KCNB2: variants seen among roughly 807,000 people sequenced by gnomAD.
The protein encoded by KCNB2 is potassium voltage-gated channel subfamily B member 2, also known as delayed rectifier potassium channel protein.
KCNB2 carries 15 observed loss-of-function variants against 61.5 expected under a neutral mutation model. The ratio of observed to expected loss-of-function variants is 0.24; its 90% CI spans 0.16 to 0.38. The LOEUF (loss-of-function observed/expected upper bound fraction) is 0.38, where lower values mean the gene tolerates loss of function less well. KCNB2 is among the 10% of genes least tolerant of loss of function. The pLI is 1.00. For synonymous variants in KCNB2, 457 were observed against 446.0 expected, an observed-to-expected ratio of 1.02 and a Z score of -0.31; for missense variants, 828 against 1,125.2, an observed-to-expected ratio of 0.74 and a Z score of 3.78.
At position 72,921,946 on chromosome 8, in the gene KCNB2, G is replaced by A. The variant is rs1806528979; in HGVS notation, c.580-13989G>A. ...TGAAATGGCTCTGTGAGTGTTCTTA[G>A]CTCTATCTCTCATTAAAGTCTGGAC... On this transcript the variant is annotated intron_variant, in intron 2 of 2. Coordinates refer to ENST00000523207, the MANE Select transcript of KCNB2 (RefSeq NM_004770.3). 2.6e-5 allele frequency among the ~76,000 whole-genome samples: 4 copies of A among 152,208 alleles called. No individual in the cohort carries two copies. In the South Asian group the frequency reaches 8.3e-4, roughly 32 times the overall value.
chr8:72,763,281 A>G (rs1196776627), intron 2 of KCNB2, among the ~76,000 whole-genome samples: 4 of 151,810 alleles, frequency 2.6e-5, no homozygotes, highest in Admixed American at 6.6e-5. Flanking sequence ...CCTAGGCCCA[A>G]CTGACACCTA....
At chr8:72,572,387 T>C (rs913406299) in intron 2 of KCNB2, among the ~76,000 whole-genome samples, 13 of 152,104 alleles carry the variant, frequency 8.5e-5, no homozygotes, top group Non-Finnish European at 8.8e-5. Flanking sequence ...ACATTTCTAT[T>C]CATCTGAACC....
chr8:72,633,233 T>G (rs1805909302), intron 2 of KCNB2, among the ~76,000 whole-genome samples: 1 of 152,074 alleles, frequency 6.6e-6, no homozygotes, highest in South Asian at 2.1e-4. Flanking sequence ...GGAGCCTATC[T>G]TAAAGCTACA....
chr8:72,793,424 C>T (rs1200212782), intron 2 of KCNB2, among the ~76,000 whole-genome samples: 4 of 152,134 alleles, frequency 2.6e-5, no homozygotes, highest in Non-Finnish European at 5.9e-5. Context: ...AAGGAGAACA[C>T]ATTTGGAGCA....
At chr8:72,836,606 C>G (rs10088164) in intron 2 of KCNB2, among the ~76,000 whole-genome samples, 22,952 of 152,218 alleles carry the variant, frequency 0.15, 2,365 homozygotes, top group African/African-American at 0.29. Flanking sequence ...ATTCTACTTT[C>G]ATTACCCAAA....
chr8:72,609,650 C>A (rs979604666), intron 2 of KCNB2, among the ~76,000 whole-genome samples: 2 of 151,984 alleles, frequency 1.3e-5, no homozygotes, highest in African/African-American at 4.8e-5. Flanking sequence ...TGGTATCAGG[C>A]AAAAACACCA....
chr8:72,885,669 C>T (rs941803454), intron 2 of KCNB2, among the ~76,000 whole-genome samples: 2 of 152,046 alleles, frequency 1.3e-5, no homozygotes, highest in Non-Finnish European at 2.9e-5. Flanking sequence ...TATATTATTT[C>T]TATTACTGTG....
intron 2 of KCNB2, among the ~76,000 whole-genome samples, chr8:72,676,859 T>C (rs1806662275): frequency 6.6e-6 from 1 of 152,090 alleles, no homozygotes; most frequent in South Asian, 2.1e-4. Context: ...ACACATTCTG[T>C]TCCTTCCCTG....
intron 2 of KCNB2, among the ~76,000 whole-genome samples, chr8:72,583,351 T>G (rs1806936960): frequency 6.6e-6 from 1 of 152,166 alleles, no homozygotes; most frequent in Non-Finnish European, 1.5e-5. Context: ...AGAATTTTAA[T>G]GAGATAATTG....
chr8:72,910,396 A>G (rs533395426), intron 2 of KCNB2, among the ~76,000 whole-genome samples: 1 of 152,180 alleles, frequency 6.6e-6, no homozygotes, highest in African/African-American at 2.4e-5. Flanking sequence ...CCACCAATGC[A>G]TAGACGATAC....
intron 2 of KCNB2, among the ~76,000 whole-genome samples, chr8:72,722,375 G>A (rs554060445): frequency 6.6e-6 from 1 of 152,226 alleles, no homozygotes; most frequent in Admixed American, 6.5e-5. Flanking sequence ...ATGCCCAAAG[G>A]ACCTGCTGCC....
At chr8:72,593,702 A>G (rs1024552987) in intron 2 of KCNB2, among the ~76,000 whole-genome samples, 14 of 152,160 alleles carry the variant, frequency 9.2e-5, no homozygotes, top group Non-Finnish European at 1.2e-4. Flanking sequence ...TGAATTTCCA[A>G]TAACCCCTTC....
At chr8:72,561,741 A>ATGTGTG (rs1563523454) in intron 1 of KCNB2, among the ~76,000 whole-genome samples, 12 of 26,882 alleles carry the variant, frequency 4.5e-4, no homozygotes, top group Admixed American at 1.5e-3. Flanking sequence ...ATATCTATAT[A>ATGTGTG]TATATGTATA....
chr8:72,908,381 T>A (rs1806220572), intron 2 of KCNB2, among the ~76,000 whole-genome samples: 1 of 152,184 alleles, frequency 6.6e-6, no homozygotes, highest in Non-Finnish European at 1.5e-5. Context: ...TTTACTATTA[T>A]CTATCTCCCC....
intron 2 of KCNB2, among the ~76,000 whole-genome samples, chr8:72,838,635 G>T (rs1809824061): frequency 6.6e-6 from 1 of 152,170 alleles, no homozygotes; most frequent in Non-Finnish European, 1.5e-5. Context: ...CCAGTAATGG[G>T]ATTGCTGCGT....
At chr8:72,711,812 A>AC (rs1807331604) in intron 2 of KCNB2, among the ~76,000 whole-genome samples, 1 of 152,040 alleles carries the variant, frequency 6.6e-6, no homozygotes, top group Admixed American at 6.6e-5. Flanking sequence ...ACATGATGAA[A>AC]CCCCATCTCT....
intron 2 of KCNB2, among the ~76,000 whole-genome samples, chr8:72,682,427 A>G (rs1342808934): frequency 1.3e-5 from 2 of 152,102 alleles, no homozygotes; most frequent in African/African-American, 2.4e-5. Flanking sequence ...TAATATCATT[A>G]TGTTCACCCA....
intron 2 of KCNB2, among the ~76,000 whole-genome samples, chr8:72,656,740 A>G (rs1174617955): frequency 6.6e-6 from 1 of 152,156 alleles, no homozygotes; most frequent in Non-Finnish European, 1.5e-5. Flanking sequence ...TATCTTTTGT[A>G]TTTGTAGATA....
intron 2 of KCNB2, among the ~76,000 whole-genome samples, chr8:72,911,109 G>A (rs1433098969): frequency 2.0e-5 from 3 of 152,208 alleles, no homozygotes; most frequent in South Asian, 2.1e-4. Context: ...TGCATTGCAT[G>A]TGTATTCACT....
Sources: gnomAD v4.1 joint callset for allele counts (sites outside exome capture counted in the v4.1 genomes callset) on GRCh38, gnomAD v4.1.1 for gene constraint, MANE v1.5 for transcripts, NCBI Gene and HGNC (gene_info 2026-07-23, HGNC 2026-07-21) for gene names.